IPO11: variants seen among roughly 807,000 people sequenced by gnomAD.
IPO11 encodes the protein importin-11.
In IPO11, 66 loss-of-function variants were observed where a neutral mutation model predicts 143.2. The ratio of observed to expected loss-of-function variants is 0.46; its 90% CI spans 0.38 to 0.57. IPO11 has a LOEUF of 0.57. IPO11 is among the 20% of genes least tolerant of loss of function. The pLI is 0.00. For synonymous variants in IPO11, 385 were observed against 377.8 expected (o/e 1.02, Z -0.22); for missense variants, 1,026 against 1,141.0 (o/e 0.90, Z 1.45).
At chr5:62,477,954 T>C (rs1746021705) in intron 9 of IPO11, among the ~76,000 whole-genome samples, 1 of 152,198 alleles carries the variant, frequency 6.6e-6, no homozygotes, top group Non-Finnish European at 1.5e-5. Flanking sequence ...TAGAATAAAG[T>C]TACTATAAAT....
At position 62,627,272 on chromosome 5, in the gene IPO11, A is replaced by G; in HGVS notation, c.2882A>G (p.Asp961Gly). ...QGFQSLMETVDTEIVTQLQEF... is the reference protein window; with the variant it reads ...QGFQSLMETVGTEIVTQLQEF... ...TTCCAGTCCCTCATGGAAACAGTGG[A>G]TACGGAGATTGTCACCCAGCTACAG... The change falls in exon 30 of 30, where the codon GAT (aspartate) becomes GGT (glycine). Residue 961 changes from aspartate (D) to glycine (G), a missense_variant. Around this residue, in one of 5 missense-constraint regions of IPO11, gnomAD observed 351 missense variants for 358.9 expected, o/e 0.98. Coordinates refer to ENST00000325324, the MANE Select transcript of IPO11 (RefSeq NM_016338.5). 1.2e-6 allele frequency: 2 copies of G among 1,614,094 alleles called. No individual in the cohort carries two copies. Among genetic ancestry groups the G allele is most frequent in the South Asian group, 1.1e-5 (1 of 91,076 alleles).
intron 19 of IPO11, 50 bp from the exon 20 acceptor site, chr5:62,515,338 C>A: frequency 8.0e-7 from 1 of 1,243,878 alleles, no homozygotes; most frequent in Non-Finnish European, 1.1e-6. Context: ...AAGTAAATTG[C>A]CTTCTTTACC....
chr5:62,602,937 C>G (rs1745559331), intron 29 of IPO11, among the ~76,000 whole-genome samples: 1 of 152,184 alleles, frequency 6.6e-6, no homozygotes, highest in Non-Finnish European at 1.5e-5. Flanking sequence ...AGCATATTTC[C>G]AGGGTCTTCG....
intron 29 of IPO11, among the ~76,000 whole-genome samples, chr5:62,617,313 T>C (rs1205218149): frequency 1.3e-5 from 2 of 152,254 alleles, no homozygotes; most frequent in African/African-American, 4.8e-5. Flanking sequence ...TTATCTTCTT[T>C]CCATTCTCTG....
At chr5:62,497,643 A>AT (rs917150671) in intron 16 of IPO11, among the ~76,000 whole-genome samples, 5 of 151,912 alleles carry the variant, frequency 3.3e-5, no homozygotes, top group South Asian at 2.1e-4. Flanking sequence ...TAATTTTTTG[A>AT]TTTTTTGTAT....
chr5:62,459,094 T>C (rs1745268193), intron 5 of IPO11, among the ~76,000 whole-genome samples: 1 of 152,008 alleles, frequency 6.6e-6, no homozygotes, highest in Non-Finnish European at 1.5e-5. Flanking sequence ...GTAGTTTTAC[T>C]CTTTTTTTTT....
chr5:62,620,739 A>C (rs867840822), intron 29 of IPO11, among the ~76,000 whole-genome samples: 2 of 152,244 alleles, frequency 1.3e-5, no homozygotes, highest in Middle Eastern at 6.8e-3. Flanking sequence ...AAAGAGAATA[A>C]ATTATAAATG....
Position 62,617,002 on chromosome 5 carries a change from T to C in IPO11, c.2764-10152T>C, listed in dbSNP as rs544544357. On this transcript the variant is annotated intron_variant, in intron 29 of 29. Transcript: ENST00000325324. ...AAAGGTTCTCATTCAACATTTCCTC[T>C]TTATAGCACCTGCACTTTTCAGTCC... 8.5e-5 allele frequency among the ~76,000 whole-genome samples: 13 copies of C among 152,316 alleles called. No individual in the cohort carries two copies. The South Asian group carries it at 2.5e-3, about 29-fold the overall frequency.
intron 5 of IPO11, among the ~76,000 whole-genome samples, chr5:62,465,640 T>C (rs1745549088): frequency 6.6e-6 from 1 of 152,246 alleles, no homozygotes; most frequent in Admixed American, 6.5e-5. Flanking sequence ...TTTTACTCTT[T>C]GAAATATTGC....
At chr5:62,472,621 A>G (rs1430807198) in intron 7 of IPO11, among the ~76,000 whole-genome samples, 1 of 148,262 alleles carries the variant, frequency 6.7e-6, no homozygotes, top group Non-Finnish European at 1.5e-5. Flanking sequence ...TCTGCCTCCC[A>G]AGGTCAAGCG....
At chr5:62,535,448 A>C (rs1164514779) in intron 22 of IPO11, among the ~76,000 whole-genome samples, 1 of 152,056 alleles carries the variant, frequency 6.6e-6, no homozygotes, top group Non-Finnish European at 1.5e-5. Context: ...GGATAATGTG[A>C]ATTTTTCATA....
intron 29 of IPO11, among the ~76,000 whole-genome samples, chr5:62,620,864 C>T (rs1253019377): frequency 2.0e-5 from 3 of 152,156 alleles, no homozygotes; most frequent in African/African-American, 7.2e-5. Flanking sequence ...TAAGAGTGTC[C>T]TGGCCAAAGA....
intron 3 of IPO11, among the ~76,000 whole-genome samples, chr5:62,444,517 A>G (rs888951137): frequency 4.6e-5 from 7 of 152,260 alleles, no homozygotes; most frequent in Middle Eastern, 3.4e-3. Flanking sequence ...GCTTTGTCCA[A>G]TTGAATTTTA....
intron 1 of IPO11, among the ~76,000 whole-genome samples, chr5:62,418,343 T>G (rs1365447123): frequency 6.6e-6 from 1 of 152,122 alleles, no homozygotes. Flanking sequence ...TTTTGTATTT[T>G]TAGTAGAGTA....
chr5:62,487,689 A>G, intron 12 of IPO11, 82 bp from the exon 13 acceptor site: 1 of 1,254,012 alleles, frequency 8.0e-7, no homozygotes, highest in Non-Finnish European at 1.0e-6. Context: ...GAATTTTAAG[A>G]TTAAGTATTT....
chr5:62,421,452 A>T (rs548453575), intron 1 of IPO11, among the ~76,000 whole-genome samples: 1 of 152,306 alleles, frequency 6.6e-6, no homozygotes, highest in South Asian at 2.1e-4. Flanking sequence ...ATTCCCAGTT[A>T]ATTTCACTTG....
chr5:62,499,950 G>A (rs1741291593), intron 16 of IPO11, among the ~76,000 whole-genome samples: 1 of 152,024 alleles, frequency 6.6e-6, no homozygotes, highest in African/African-American at 2.4e-5. Context: ...GGTCTTCTGG[G>A]GCGTTAACAC....
At chr5:62,617,752 A>G (rs2112476281) in intron 29 of IPO11, among the ~76,000 whole-genome samples, 1 of 152,308 alleles carries the variant, frequency 6.6e-6, no homozygotes, top group East Asian at 1.9e-4. Flanking sequence ...TGCTTTTATA[A>G]AACATGTAAG....
chr5:62,558,536 A>G (rs1247805131), intron 26 of IPO11, among the ~76,000 whole-genome samples: 1 of 152,198 alleles, frequency 6.6e-6, no homozygotes, highest in Non-Finnish European at 1.5e-5. Flanking sequence ...TCTAAATTAT[A>G]TTTTATCAGA....
Sources: gnomAD v4.1 joint callset for allele counts (sites outside exome capture counted in the v4.1 genomes callset) on GRCh38, gnomAD v4.1.1 for gene constraint, gnomAD v4.1.1 regional missense constraint, MANE v1.5 for transcripts, NCBI Gene and HGNC (gene_info 2026-07-23, HGNC 2026-07-21) for gene names.